DPP9: variants seen among roughly 807,000 people sequenced by gnomAD.
DPP9 encodes the protein dipeptidyl peptidase IV-related protein-2.
Under a neutral mutation model 110.7 loss-of-function variants are expected in DPP9, and 50 were observed. The ratio of observed to expected loss-of-function variants is 0.45; its 90% CI spans 0.36 to 0.57. DPP9 has a LOEUF of 0.57. Among genes scored for constraint, DPP9 ranks in the 20% least tolerant of loss-of-function variants. The pLI, the probability that DPP9 is intolerant of heterozygous loss-of-function variation, is 0.00. For missense variants in DPP9, 1,022 were observed against 1,217.9 expected (o/e 0.84, Z 2.39); for synonymous variants, 561 against 514.4 (o/e 1.09, Z -1.23).
intron 8 of DPP9, among the ~76,000 whole-genome samples, 161 bp from the exon 9 acceptor site, chr19:4,702,316 A>T (rs1180722949): frequency 1.3e-5 from 2 of 152,046 alleles, no homozygotes; most frequent in African/African-American, 4.8e-5. Context: ...GCCAGTCCCA[A>T]CTCTCTGGGC....
At position 4,689,746 on chromosome 19, in the gene DPP9, G is replaced by C; in HGVS notation, c.1597-24C>G. ...ATCTGCAGGGGGACAGGGGATCCTCGTGATGCGTCCCAGATGCCCCTGGGC... is the reference window on the plus strand; with the variant it reads ...ATCTGCAGGGGGACAGGGGATCCTCCTGATGCGTCCCAGATGCCCCTGGGC... On this transcript the variant is annotated intron_variant, in intron 14 of 21. Transcript: ENST00000262960. The surrounding 1 kb of genome is among the most constrained non-coding windows in gnomAD (Gnocchi z 7.0). The C allele has an allele frequency of 3.3e-6, 5 of 1,536,260 alleles. No homozygotes were observed. The highest frequency in any genetic ancestry group is 3.5e-6 in the Non-Finnish European group (4 of 1,136,830).
intron 20 of DPP9, among the ~76,000 whole-genome samples, chr19:4,681,635 G>A (rs922832782): frequency 6.6e-6 from 1 of 151,940 alleles, no homozygotes; most frequent in African/African-American, 2.4e-5. Flanking sequence ...CACGATGTTC[G>A]CTCACTACCA....
rs192661957 is a variant in DPP9, at chr19:4,684,899, C to A, written c.2032-90G>T. 3.4e-4 allele frequency: 514 copies of A among 1,510,078 alleles called. 2 individuals carry two copies. The East Asian group carries it at 6.9e-3, about 20-fold the overall frequency. The allele number at this position is 1,510,078 out of a possible 1,614,324, so 93.5% of individuals were successfully genotyped here. ...GATGCCGGTGGGCTGGGGACCGGGC[C>A]GGGCTGGGGCCTCAGAGCCTAATGA... On this transcript the variant is annotated intron_variant, in intron 17 of 21. Coordinates refer to ENST00000262960, the MANE Select transcript of DPP9 (RefSeq NM_139159.5). The surrounding 1 kb of genome is among the most constrained non-coding windows in gnomAD (Gnocchi z 4.8).
chr19:4,696,478 A>C (rs1046506841), intron 11 of DPP9, among the ~76,000 whole-genome samples: 9 of 151,694 alleles, frequency 5.9e-5, no homozygotes, highest in South Asian at 4.2e-4. Flanking sequence ...AAAAAAAAAA[A>C]GTCCAGGCAC....
chr19:4,684,841 C>A lies in DPP9; in HGVS notation c.2032-32G>T, dbSNP rs376410442. On this transcript the variant is annotated intron_variant, in intron 17 of 21. Coordinates refer to ENST00000262960, the MANE Select transcript of DPP9 (RefSeq NM_139159.5). The surrounding 1 kb of genome is among the most constrained non-coding windows in gnomAD (Gnocchi z 4.8). Reference sequence around the variant, plus strand: ...GGAGGTGAGGGCCAGCAGTCCAGCACGAGATGCCGGGCAGGACGGGCCTGG... The same window carrying A: ...GGAGGTGAGGGCCAGCAGTCCAGCAAGAGATGCCGGGCAGGACGGGCCTGG... 1.3e-6 allele frequency: 2 copies of A among 1,575,294 alleles called. No individual in the cohort carries two copies. Among genetic ancestry groups the A allele is most frequent in the African/African-American group, 1.4e-5 (1 of 74,002 alleles).
At position 4,688,814 on chromosome 19, in the gene DPP9, C is replaced by T. The variant is rs1279896779; in HGVS notation, c.1828G>A (p.Asp610Asn). ...CVHVYKLSGP[D>N]DDPLHKQPRF... ...GGCTGCTTGTGCAGGGGGTCGTCGT[C>T]GGGGCCGCTCAGCTTGTAGACGTGC... The change falls in exon 16 of 22, where the codon GAC becomes AAC. Residue 610 changes from aspartate to asparagine, a missense_variant. Asp to Asn is a conservative substitution (Grantham distance 23, BLOSUM62 1). Coordinates refer to ENST00000262960, the MANE Select transcript of DPP9 (RefSeq NM_139159.5). 41 of 1,491,154 alleles carry T rather than the reference C, an allele frequency of 2.7e-5. No homozygotes were observed. Among genetic ancestry groups the T allele is most frequent in the East Asian group, 8.2e-5 (3 of 36,718 alleles). 92.4% of individuals were successfully genotyped at this position (1,491,154 alleles called of 1,614,324 possible).
intron 1 of DPP9, 72 bp from the exon 2 acceptor site, chr19:4,722,623 C>G (rs1385946994): frequency 1.4e-6 from 1 of 699,402 alleles, no homozygotes; most frequent in Non-Finnish European, 2.6e-6. Context: ...GCCTCCCCCA[C>G]TCAGGAGCTG....
At chr19:4,696,061 C>T (rs536781233) in intron 11 of DPP9, among the ~76,000 whole-genome samples, 1 of 151,892 alleles carries the variant, frequency 6.6e-6, no homozygotes, top group Non-Finnish European at 1.5e-5. Flanking sequence ...CCACCATGCC[C>T]GGCTAATTTT....
rs940709695 is a variant in DPP9, at chr19:4,676,913, C to G, written c.2587-257G>C. 2.6e-5 allele frequency among the ~76,000 whole-genome samples: 4 copies of G among 152,150 alleles called. No homozygotes were observed. Among genetic ancestry groups the G allele is most frequent in the Non-Finnish European group, 5.9e-5 (4 of 68,036 alleles). On this transcript the variant is annotated intron_variant, in intron 21 of 21. Coordinates refer to ENST00000262960, the MANE Select transcript of DPP9 (RefSeq NM_139159.5). This position sits in a 1 kb window ranked among gnomAD's most constrained non-coding sequence, Gnocchi z 4.0. Reference sequence around the variant, plus strand: ...TTTACAAAACGCCTTGCGGTGTGCACGCGCTTGCACAGAGGAAAGATTTAG... The same window carrying G: ...TTTACAAAACGCCTTGCGGTGTGCAGGCGCTTGCACAGAGGAAAGATTTAG...
At position 4,689,767 on chromosome 19, in the gene DPP9, T is replaced by C; in HGVS notation, c.1597-45A>G. On this transcript the variant is annotated intron_variant, in intron 14 of 21. Coordinates refer to ENST00000262960, the MANE Select transcript of DPP9 (RefSeq NM_139159.5). The surrounding 1 kb of genome is among the most constrained non-coding windows in gnomAD (Gnocchi z 7.0). ...CCTCGTGATGCGTCCCAGATGCCCC[T>C]GGGCCCACACCCCTCTCCACGCCCC... 2 of 1,519,518 alleles carry C rather than the reference T, an allele frequency of 1.3e-6. No individual in the cohort carries two copies. The highest frequency in any genetic ancestry group is 1.8e-6 in the Non-Finnish European group (2 of 1,127,344). 94.1% of individuals were successfully genotyped at this position (1,519,518 alleles called of 1,614,324 possible).
chr19:4,691,670 C>CTTTTT (rs1006998596), intron 13 of DPP9, among the ~76,000 whole-genome samples: 8 of 95,090 alleles, frequency 8.4e-5, no homozygotes, highest in African/African-American at 1.7e-4. Flanking sequence ...TAAAACCAGA[C>CTTTTT]TTTTTTTTTT....
Position 4,694,946 on chromosome 19 carries a change from C to G in DPP9, c.1354-123G>C, listed in dbSNP as rs1031970312. On this transcript the variant is annotated intron_variant, in intron 12 of 21. Coordinates refer to ENST00000262960, the MANE Select transcript of DPP9 (RefSeq NM_139159.5). The surrounding 1 kb of genome is among the most constrained non-coding windows in gnomAD (Gnocchi z 4.0). ...GAGACTTGCTTGAGCCCAGGAATTT[C>G]AGAGACCAGCCTGGACAACATAGTA... 1.0e-5 allele frequency: 9 copies of G among 903,536 alleles called. No individual in the cohort carries two copies. The highest frequency in any genetic ancestry group is 1.7e-5 in the African/African-American group (1 of 60,114). The allele number at this position is 903,536 out of a possible 1,614,324, so 56.0% of individuals were successfully genotyped here.
intron 14 of DPP9, 132 bp downstream of exon 14, chr19:4,690,745 GC>G (rs561999335): frequency 8.1e-6 from 6 of 743,034 alleles, no homozygotes; most frequent in Non-Finnish European, 1.4e-5. Context: ...AGGTGTGTGT[GC>G]GTGTGTGTAT....
intron 11 of DPP9, among the ~76,000 whole-genome samples, chr19:4,696,857 G>A (rs183680842): frequency 1.2e-4 from 18 of 152,254 alleles, no homozygotes; most frequent in Admixed American, 3.9e-4. Flanking sequence ...CATTCCATTG[G>A]AGGCATTAAC....
In DPP9 at chr19:4,685,910, TG is replaced by T. The variant is rs1292750736; in HGVS notation, c.1886-140del. On this transcript the variant is annotated intron_variant, in intron 16 of 21. Transcript: ENST00000262960. The surrounding 1 kb of genome is among the most constrained non-coding windows in gnomAD (Gnocchi z 5.8). ...CCTGGGCTTCCCGAGAGTTGATAATTGAAAAAAACGTTTTTTTTTCATTAAA... is the reference window on the plus strand; with the variant it reads ...CCTGGGCTTCCCGAGAGTTGATAATTAAAAAAACGTTTTTTTTTCATTAAA... The T allele has an allele frequency of 1.0e-5, 10 of 993,446 alleles. No homozygotes were observed. Among genetic ancestry groups the T allele is most frequent in the Non-Finnish European group, 1.3e-5 (9 of 697,464 alleles). The allele number at this position is 993,446 out of a possible 1,614,324, so 61.5% of individuals were successfully genotyped here. A position where few individuals can be genotyped will look rare whatever the true frequency, so the allele number is the denominator to read the frequency against.
chr19:4,685,932 T>A lies in DPP9; in HGVS notation c.1886-161A>T. On this transcript the variant is annotated intron_variant, in intron 16 of 21. Coordinates refer to ENST00000262960, the MANE Select transcript of DPP9 (RefSeq NM_139159.5). This position sits in a 1 kb window ranked among gnomAD's most constrained non-coding sequence, Gnocchi z 5.8. ...AATTGAAAAAAACGTTTTTTTTTCA[T>A]TAAATAAGATTTGTACAGTTTTTGT... 1 of 755,090 alleles carries A rather than the reference T, an allele frequency of 1.3e-6. No individual in the cohort carries two copies. The highest frequency in any genetic ancestry group is 2.1e-6 in the Non-Finnish European group (1 of 485,816). 46.8% of individuals were successfully genotyped at this position (755,090 alleles called of 1,614,324 possible).
At chr19:4,701,332 G>A (rs945868544) in intron 9 of DPP9, among the ~76,000 whole-genome samples, 3 of 152,142 alleles carry the variant, frequency 2.0e-5, no homozygotes, top group Non-Finnish European at 4.4e-5. Flanking sequence ...GCTGGGCATG[G>A]TGGCACACAC....
chr19:4,683,234 A>C, intron 19 of DPP9: 1 of 1,430,014 alleles, frequency 7.0e-7, no homozygotes, highest in Non-Finnish European at 9.1e-7. Context: ...CCTCCCACAG[A>C]GAGCTGCTGG....
intron 1 of DPP9, chr19:4,722,901 G>A: frequency 7.3e-6 from 2 of 273,936 alleles, no homozygotes; most frequent in East Asian, 1.9e-4. Flanking sequence ...GGGGGTGGGG[G>A]CCAAGGGAAT....
Sources: gnomAD v4.1 joint callset for allele counts (sites outside exome capture counted in the v4.1 genomes callset) on GRCh38, gnomAD v4.1.1 for gene constraint, Gnocchi (gnomAD v3.1) non-coding constraint, MANE v1.5 for transcripts, NCBI Gene and HGNC (gene_info 2026-07-23, HGNC 2026-07-21) for gene names.